Variants in ARFGEF2 observed in about 807,000 individuals in gnomAD.
ARFGEF2 encodes the protein brefeldin A-inhibited guanine nucleotide-exchange protein 2.
ARFGEF2 carries 74 observed loss-of-function variants against 219.9 expected under a neutral mutation model. The observed-to-expected ratio is 0.34, with a 90% CI of 0.28 to 0.41. The LOEUF is 0.41. Ranked by LOEUF, ARFGEF2 falls within the 10% of genes least tolerant of loss-of-function variation. The probability of loss-of-function intolerance (pLI) is 1.00; values close to 1 mark genes in which losing one functional copy is unlikely to be tolerated. For synonymous variants in ARFGEF2, 733 were observed against 799.2 expected (o/e 0.92, Z 1.40); for missense variants, 1,743 against 2,218.3 (o/e 0.79, Z 4.30).
chr20:49,035,142 G>A lies in ARFGEF2; in HGVS notation c.*1943G>A, dbSNP rs946007785. ...TACAAAAGGTATACATGGGGAACACGTGTTCATTCATTAAGTCCATCTTGC... is the reference window on the plus strand; with the variant it reads ...TACAAAAGGTATACATGGGGAACACATGTTCATTCATTAAGTCCATCTTGC... On this transcript the variant is annotated 3_prime_UTR_variant, in exon 39 of 39. Coordinates refer to ENST00000371917, the MANE Select transcript of ARFGEF2 (RefSeq NM_006420.3). The A allele has an allele frequency of 6.6e-6, 1 of 152,164 alleles. No individual in the cohort carries two copies. Among genetic ancestry groups the A allele is most frequent in the East Asian group, 1.9e-4 (1 of 5,200 alleles). The allele number at this position is 152,164 out of a possible 1,614,324, so 9.4% of individuals were successfully genotyped here.
rs562562972 is a variant in ARFGEF2, at chr20:49,012,513, T to TTTG, written c.3918+431_3918+432insGTT. On this transcript the variant is annotated intron_variant, in intron 28 of 38. Coordinates refer to ENST00000371917, the MANE Select transcript of ARFGEF2 (RefSeq NM_006420.3). ...GATGGGGTTTTTGTTTGTTTGTTTGTTTTTTTGATGTGTCTCATCTTTCTA... is the reference window on the plus strand; with the variant it reads ...GATGGGGTTTTTGTTTGTTTGTTTGTTTGTTTTTTGATGTGTCTCATCTTTCTA... Among the ~76,000 whole-genome samples, 15 of 152,238 alleles carry TTTG rather than the reference T, an allele frequency of 9.9e-5. 1 individual carries two copies. Among genetic ancestry groups the TTTG allele is most frequent in the South Asian group, 8.3e-4 (4 of 4,824 alleles).
chr20:48,998,554 AGACAACTGAATTC>A, intron 25 of ARFGEF2, 49 bp downstream of exon 25: 1 of 1,551,280 alleles, frequency 6.4e-7, no homozygotes, highest in Non-Finnish European at 8.8e-7. Context: ...AAAAAAAAGT[AGACAACTGAATTC>A]AAAAAAAGAA....
chr20:49,032,124 G>C lies in ARFGEF2; in HGVS notation c.5139G>C (p.Leu1713Phe), dbSNP rs2091639992. 1.2e-6 allele frequency: 2 copies of C among 1,613,990 alleles called. No homozygotes were observed. The highest frequency in any genetic ancestry group is 1.1e-5 in the South Asian group (1 of 91,070). The change falls in exon 38 of 39, where the codon TTG becomes TTC. Residue 1713 changes from leucine to phenylalanine, a missense_variant. Transcript: ENST00000371917. ...ATCGGGAGGCCTGGACAAGTCTCTT[G>C]TTGTTACTTCTAACTAAAACCCTCA... ...ESHREAWTSL[L>F]LLLLTKTLKI...
At chr20:49,028,832 C>T (rs772668414) in intron 37 of ARFGEF2, among the ~76,000 whole-genome samples, 164 bp downstream of exon 37, 36 of 152,150 alleles carry the variant, frequency 2.4e-4, no homozygotes, top group Non-Finnish European at 4.7e-4. Flanking sequence ...TCTTAATGCC[C>T]TGAAGAGGGC....
In ARFGEF2 at chr20:49,024,143, T is replaced by C. The variant is rs117334141; in HGVS notation, c.4755+962T>C. Among the ~76,000 whole-genome samples the C allele has an allele frequency of 1.1e-4, 17 of 152,256 alleles. No individual in the cohort carries two copies. In the East Asian group the frequency reaches 3.3e-3, roughly 29 times the overall value. ...CATGCCGCCATGCCCAGTTAATTTT[T>C]TACATTTTTTGTAGAGATGGGGTTT... On this transcript the variant is annotated intron_variant, in intron 35 of 38. Coordinates refer to ENST00000371917, the MANE Select transcript of ARFGEF2 (RefSeq NM_006420.3).
Position 49,035,786 on chromosome 20 carries a change from C to A in ARFGEF2, c.*2587C>A. 1 of 163,484 alleles carries A rather than the reference C, an allele frequency of 6.1e-6. No homozygotes were observed. Among genetic ancestry groups the A allele is most frequent in the Non-Finnish European group, 1.3e-5 (1 of 75,790 alleles). The allele number at this position is 163,484 out of a possible 1,614,324, so 10.1% of individuals were successfully genotyped here. On this transcript the variant is annotated 3_prime_UTR_variant, in exon 39 of 39. Coordinates refer to ENST00000371917, the MANE Select transcript of ARFGEF2 (RefSeq NM_006420.3). Reference sequence around the variant, plus strand: ...TGCTTTGAGCAATTTTGTTTCTCTTCATTGTCTGTTAGGGAAATCACCAGC... The same window carrying A: ...TGCTTTGAGCAATTTTGTTTCTCTTAATTGTCTGTTAGGGAAATCACCAGC...
At position 49,036,051 on chromosome 20, in the gene ARFGEF2, A is replaced by G; in HGVS notation, c.*2852A>G. The G allele has an allele frequency of 2.5e-6, 1 of 396,890 alleles. No individual in the cohort carries two copies. Among genetic ancestry groups the G allele is most frequent in the Non-Finnish European group, 4.4e-6 (1 of 225,410 alleles). 24.6% of individuals were successfully genotyped at this position (396,890 alleles called of 1,614,324 possible). ...CTTTTGTGATTAAGGATATACATTT[A>G]GTAGTCTTTGTTATTAAAGGAACCT... On this transcript the variant is annotated 3_prime_UTR_variant, in exon 39 of 39. Transcript: ENST00000371917.
At chr20:48,972,677 A>G (rs1435653080) in intron 11 of ARFGEF2, among the ~76,000 whole-genome samples, 1 of 152,218 alleles carries the variant, frequency 6.6e-6, no homozygotes, top group Non-Finnish European at 1.5e-5. Context: ...AAACTGGGAC[A>G]CTTGGTTACG....
chr20:49,005,254 A>G lies in ARFGEF2; in HGVS notation c.3584+33A>G, dbSNP rs112315534. The G allele has an allele frequency of 2.6e-3, 4,143 of 1,613,532 alleles. 98 individuals are homozygous for G. The African/African-American group carries it at 0.048, about 19-fold the overall frequency. On this transcript the variant is annotated intron_variant, in intron 26 of 38. Coordinates refer to ENST00000371917, the MANE Select transcript of ARFGEF2 (RefSeq NM_006420.3). ...TTTTGCTCTGGAAGACGCTTGGTCA[A>G]ATTCCCCGTTGGGGCTCCCAGAAGC... is the stretch of plus-strand genomic sequence containing the variant.
intron 7 of ARFGEF2, 95 bp downstream of exon 7, chr20:48,963,993 C>A: frequency 9.0e-7 from 1 of 1,116,682 alleles, no homozygotes; most frequent in Non-Finnish European, 1.3e-6. Context: ...CTCTTCCCTG[C>A]CCTAAGAACT....
chr20:49,033,263 A>G lies in ARFGEF2; in HGVS notation c.*64A>G. 1 of 1,583,048 alleles carries G rather than the reference A, an allele frequency of 6.3e-7. No individual in the cohort carries two copies. The highest frequency in any genetic ancestry group is 8.7e-7 in the Non-Finnish European group (1 of 1,154,754). ...GTTCAGCATGCCATTTCTGACTGGC[A>G]CATCTCGTGAAGTTTCATAGAAACA... On this transcript the variant is annotated 3_prime_UTR_variant, in exon 39 of 39. Transcript: ENST00000371917.
At position 48,991,107 on chromosome 20, in the gene ARFGEF2, C is replaced by T; in HGVS notation, c.2882C>T (p.Thr961Ile). The stretch of plus-strand genomic sequence containing the variant: ...CTACTCACAGCCAGCTCCAGCATCA[C>T]AGAAATGAAGCAGAAAAACATCGAC... ...FSLLTASSSI[T>I]EMKQKNIDTI... Residue 961 changes from threonine (T) to isoleucine (I), a missense_variant, in exon 21 of 39, where the codon ACA becomes ATA. Thr to Ile is a moderately conservative substitution (Grantham distance 89). Transcript: ENST00000371917. The T allele has an allele frequency of 6.2e-7, 1 of 1,614,154 alleles. No homozygotes were observed. The highest frequency in any genetic ancestry group is 8.5e-7 in the Non-Finnish European group (1 of 1,180,030).
chr20:49,032,238 T>C, intron 38 of ARFGEF2, 72 bp downstream of exon 38: 1 of 1,047,724 alleles, frequency 9.5e-7, no homozygotes, highest in Non-Finnish European at 1.5e-6. Flanking sequence ...CTCAAGAGTT[T>C]GCAGTAACTA....
chr20:48,926,176 A>C (rs970026003), intron 1 of ARFGEF2, among the ~76,000 whole-genome samples: 1 of 152,172 alleles, frequency 6.6e-6, no homozygotes. Context: ...AACTATTACT[A>C]CCATGTTTTC....
At chr20:49,003,459 G>T (rs540603756) in intron 25 of ARFGEF2, among the ~76,000 whole-genome samples, 7 of 151,842 alleles carry the variant, frequency 4.6e-5, no homozygotes, top group Admixed American at 2.0e-4. Flanking sequence ...ACAAAAATTA[G>T]CCGATCTTGG....
In ARFGEF2 at chr20:49,020,301, G is replaced by A. The variant is rs189018910; in HGVS notation, c.4624+1303G>A. 2.1e-4 allele frequency among the ~76,000 whole-genome samples: 32 copies of A among 152,292 alleles called. No individual in the cohort carries two copies. In the East Asian group the frequency reaches 6.0e-3, roughly 28 times the overall value. On this transcript the variant is annotated intron_variant, in intron 34 of 38. Coordinates refer to ENST00000371917, the MANE Select transcript of ARFGEF2 (RefSeq NM_006420.3). ...GCAGCACATTTGACCAAAACAGTGT[G>A]CGGTCACCTTTTTCTTTAGAAGGAA...
intron 1 of ARFGEF2, among the ~76,000 whole-genome samples, chr20:48,930,363 C>G (rs1054014654): frequency 6.6e-6 from 1 of 152,242 alleles, no homozygotes; most frequent in Non-Finnish European, 1.5e-5. Flanking sequence ...TAGGGACATT[C>G]AAACCATCGC....
rs747306818 is a variant in ARFGEF2, at chr20:48,994,519, G to C, written c.3042G>C (p.Leu1014=). Residue 1014 remains leucine, a synonymous_variant, in exon 22 of 39, where the codon CTG becomes CTC. Coordinates refer to ENST00000371917, the MANE Select transcript of ARFGEF2 (RefSeq NM_006420.3). ...GAACCGGTGTGAAGACGCGCTACCT[G>C]TCTGGATCTGGGCGTGAAAGAGAAG... ...LIGTGVKTRY[L]SGSGREREGS... 3.7e-6 allele frequency: 6 copies of C among 1,614,020 alleles called. No homozygotes were observed. Among genetic ancestry groups the C allele is most frequent in the Admixed American group, 3.3e-5 (2 of 60,000 alleles).
At chr20:49,013,779 T>G in intron 29 of ARFGEF2, 52 bp from the exon 30 acceptor site, 1 of 1,614,090 alleles carries the variant, frequency 6.2e-7, no homozygotes, top group Non-Finnish European at 8.5e-7. Context: ...CTCTTCTCTG[T>G]TGTTCTCTTC....
Sources: allele counts gnomAD v4.1 joint callset (sites outside exome capture counted in the v4.1 genomes callset), GRCh38; gene constraint gnomAD v4.1.1; transcripts MANE v1.5; gene names NCBI Gene and HGNC (gene_info 2026-07-23, HGNC 2026-07-21).